Variants in HEMK2 observed in about 807,000 individuals in gnomAD.
HEMK2 encodes the protein methyltransferase HEMK2.
the HEMK2 span, among the ~76,000 whole-genome samples, chr21:28,703,016 T>C: frequency 1.3e-5 from 2 of 152,092 alleles, no homozygotes; most frequent in Non-Finnish European, 2.9e-5. Flanking sequence ...TGCAGCAACA[T>C]GGATGGAGCT....
chr21:28,746,103 G>C, the HEMK2 span, among the ~76,000 whole-genome samples: 1 of 152,058 alleles, frequency 6.6e-6, no homozygotes, highest in Non-Finnish European at 1.5e-5. Flanking sequence ...ATATAATGTA[G>C]ACATGTGTAA....
chr21:28,848,339 T>G, the HEMK2 span, among the ~76,000 whole-genome samples: 1 of 152,132 alleles, frequency 6.6e-6, no homozygotes, highest in Non-Finnish European at 1.5e-5. Flanking sequence ...ATTCTTATTT[T>G]TAAATCTAGT....
chr21:28,877,234 AGGAAG>A, the HEMK2 span, among the ~76,000 whole-genome samples: 13 of 118,410 alleles, frequency 1.1e-4, no homozygotes, highest in South Asian at 3.3e-4. Flanking sequence ...AAGGAAGGAA[AGGAAG>A]GGAAGGGAAG....
the HEMK2 span, among the ~76,000 whole-genome samples, chr21:28,754,330 G>T: frequency 2.0e-5 from 3 of 152,200 alleles, no homozygotes; most frequent in African/African-American, 7.2e-5. Flanking sequence ...TCAACAGGGG[G>T]GCTTTGTTCT....
At chr21:28,598,434 T>C in the HEMK2 span, among the ~76,000 whole-genome samples, 893 of 152,288 alleles carry the variant, frequency 5.9e-3, 13 homozygotes, top group African/African-American at 0.02. Context: ...GATACCATGA[T>C]TCAAATGAGC....
the HEMK2 span, among the ~76,000 whole-genome samples, chr21:28,866,919 C>G: frequency 6.6e-6 from 1 of 151,924 alleles, no homozygotes; most frequent in Non-Finnish European, 1.5e-5. Flanking sequence ...GGCTAATAAA[C>G]ATATGAAAAT....
chr21:28,760,755 T>C, the HEMK2 span, among the ~76,000 whole-genome samples: 20,090 of 152,142 alleles, frequency 0.13, 1,502 homozygotes, highest in Middle Eastern at 0.24. Flanking sequence ...GTAATTTGTG[T>C]TTTTGATCAA....
the HEMK2 span, among the ~76,000 whole-genome samples, chr21:28,836,153 C>T: frequency 2.0e-5 from 3 of 152,126 alleles, no homozygotes; most frequent in African/African-American, 4.8e-5. Flanking sequence ...GGAAATTCAT[C>T]GCAAAAAGAT....
At chr21:28,677,391 G>C in the HEMK2 span, among the ~76,000 whole-genome samples, 3 of 152,216 alleles carry the variant, frequency 2.0e-5, no homozygotes, top group Admixed American at 6.5e-5. Flanking sequence ...GGTAAACAAA[G>C]CGGCTGGGAA....
the HEMK2 span, among the ~76,000 whole-genome samples, chr21:28,800,779 A>C: frequency 1.3e-5 from 2 of 152,218 alleles, no homozygotes; most frequent in Non-Finnish European, 2.9e-5. Flanking sequence ...ATACTCTTTT[A>C]GAAAAGGCCA....
chr21:28,797,896 C>A, the HEMK2 span, among the ~76,000 whole-genome samples: 1 of 152,184 alleles, frequency 6.6e-6, no homozygotes. Context: ...GCATTTAGAG[C>A]TGATACAGAT....
At chr21:28,641,318 G>A in the HEMK2 span, among the ~76,000 whole-genome samples, 1 of 152,182 alleles carries the variant, frequency 6.6e-6, no homozygotes, top group African/African-American at 2.4e-5. Context: ...CTGAAGAGAA[G>A]TGCCCCAATA....
At chr21:28,741,738 C>T in the HEMK2 span, among the ~76,000 whole-genome samples, 2 of 152,118 alleles carry the variant, frequency 1.3e-5, no homozygotes, top group Non-Finnish European at 2.9e-5. Context: ...GATCTCATTC[C>T]TTTTTACGGC....
chr21:28,700,150 C>T, the HEMK2 span, among the ~76,000 whole-genome samples: 1 of 152,122 alleles, frequency 6.6e-6, no homozygotes, highest in African/African-American at 2.4e-5. Context: ...GTAGTGACCC[C>T]CTTCCCCTCT....
the HEMK2 span, among the ~76,000 whole-genome samples, chr21:28,683,852 G>A: frequency 6.6e-6 from 1 of 152,158 alleles, no homozygotes; most frequent in African/African-American, 2.4e-5. Flanking sequence ...CACACAGACA[G>A]CCCCTAAAAG....
At chr21:28,793,112 A>G in the HEMK2 span, among the ~76,000 whole-genome samples, 62 of 152,326 alleles carry the variant, frequency 4.1e-4, no homozygotes, top group East Asian at 0.011. Context: ...TATACAGCAC[A>G]CATTTATTCA....
the HEMK2 span, among the ~76,000 whole-genome samples, chr21:28,647,053 T>C: frequency 3.3e-5 from 5 of 152,182 alleles, no homozygotes; most frequent in African/African-American, 1.2e-4. Flanking sequence ...TTTGAAAATA[T>C]GATTTTCTAT....
chr21:28,877,530 GAA>G, the HEMK2 span, among the ~76,000 whole-genome samples: 1 of 97,624 alleles, frequency 1.0e-5, no homozygotes, highest in Non-Finnish European at 2.2e-5. Flanking sequence ...AAAGAAAAGA[GAA>G]GAGAAGAGAG....
At chr21:28,605,260 A>G in the HEMK2 span, among the ~76,000 whole-genome samples, 3 of 152,246 alleles carry the variant, frequency 2.0e-5, no homozygotes, top group African/African-American at 7.2e-5. Context: ...AACTGCACAC[A>G]GATATTAATG....
Sources: allele counts gnomAD v4.1 joint callset (sites outside exome capture counted in the v4.1 genomes callset), GRCh38; gene constraint gnomAD v4.1.1; transcripts MANE v1.5; gene names NCBI Gene and HGNC (gene_info 2026-07-23, HGNC 2026-07-21).